The following ZDHHC15 variants were observed in gnomAD, a reference collection of about 807,000 sequenced individuals.
ZDHHC15 encodes the protein zDHHC palmitoyltransferase 15, also known as palmitoyltransferase ZDHHC15.
In ZDHHC15, 19 loss-of-function variants were observed where a neutral mutation model predicts 31.7. The ratio of observed to expected loss-of-function variants is 0.60; its 90% confidence interval spans 0.42 to 0.88. The LOEUF is 0.88. Ranked by LOEUF, ZDHHC15 falls within the 40% of genes least tolerant of loss-of-function variation. The pLI, the probability that ZDHHC15 is intolerant of heterozygous loss-of-function variation, is 0.00. For missense variants in ZDHHC15, 209 were observed against 251.2 expected, an observed-to-expected ratio of 0.83 and a Z score of 1.14; for synonymous variants, 103 against 90.0, an observed-to-expected ratio of 1.14 and a Z score of -0.82.
intron 1 of ZDHHC15, among the ~76,000 whole-genome samples, chrX:75,506,133 A>C (rs1372082009): frequency 9.0e-6 from 1 of 111,696 alleles, no homozygotes. Context: ...TTCTTTCTCC[A>C]TTGGGCTCTA....
At chrX:75,502,882 G>A (rs1274968184) in intron 2 of ZDHHC15, among the ~76,000 whole-genome samples, 1 of 110,268 alleles carries the variant, frequency 9.1e-6, no homozygotes, top group African/African-American at 3.3e-5. Flanking sequence ...TATGATCTAT[G>A]GGAAAACATA....
At chrX:75,517,335 C>T (rs2085373373) in intron 1 of ZDHHC15, among the ~76,000 whole-genome samples, 1 of 110,660 alleles carries the variant, frequency 9.0e-6, no homozygotes, top group Non-Finnish European at 1.9e-5. Context: ...TTGGAACCAA[C>T]CCAAATGCCC....
intron 2 of ZDHHC15, among the ~76,000 whole-genome samples, chrX:75,492,321 CAAT>C (rs2084911674): frequency 9.0e-6 from 1 of 110,949 alleles, no homozygotes; most frequent in African/African-American, 3.3e-5. Context: ...GATTCCCACA[CAAT>C]AATAATGGGA....
chrX:75,466,255 G>A (rs1372535013), intron 3 of ZDHHC15, among the ~76,000 whole-genome samples: 3 of 111,859 alleles, frequency 2.7e-5, no homozygotes, highest in Non-Finnish European at 5.6e-5. Flanking sequence ...ACTATCTCAC[G>A]CCAGTCAGAA....
intron 4 of ZDHHC15, among the ~76,000 whole-genome samples, chrX:75,447,978 T>C (rs757875453): frequency 1.8e-5 from 2 of 110,313 alleles, no homozygotes; most frequent in South Asian, 7.8e-4. Context: ...TAACTAAAGG[T>C]AATGGTGAGT....
intron 3 of ZDHHC15, among the ~76,000 whole-genome samples, chrX:75,472,404 G>T (rs1018295977): frequency 8.9e-6 from 1 of 112,165 alleles, no homozygotes; most frequent in African/African-American, 3.2e-5. Context: ...ACCTGGTTGT[G>T]CACTTTGCAT....
chrX:75,446,307 G>A (rs779375568), intron 4 of ZDHHC15, among the ~76,000 whole-genome samples: 5 of 111,635 alleles, frequency 4.5e-5, no homozygotes, highest in Admixed American at 9.6e-5. Flanking sequence ...CTCACAGTGA[G>A]TGAGATGGAA....
At chrX:75,509,748 G>A (rs1232684677) in intron 1 of ZDHHC15, among the ~76,000 whole-genome samples, 1 of 112,450 alleles carries the variant, frequency 8.9e-6, no homozygotes, top group Non-Finnish European at 1.9e-5. Flanking sequence ...AATAACATAT[G>A]TGTAAAGCAC....
At chrX:75,467,895 C>G (rs2084433654) in intron 3 of ZDHHC15, among the ~76,000 whole-genome samples, 1 of 111,762 alleles carries the variant, frequency 8.9e-6, no homozygotes, top group South Asian at 3.7e-4. Context: ...TACCTAATAA[C>G]AGTTATTCTC....
intron 1 of ZDHHC15, among the ~76,000 whole-genome samples, chrX:75,510,583 T>A (rs1168730587): frequency 1.3e-4 from 13 of 103,860 alleles, no homozygotes; most frequent in East Asian, 9.2e-4. Context: ...TATTATTATT[T>A]TTTAAATTAT....
chrX:75,381,851 C>A (rs2083118142), intron 10 of ZDHHC15, among the ~76,000 whole-genome samples: 1 of 111,283 alleles, frequency 9.0e-6, no homozygotes, highest in African/African-American at 3.3e-5. Flanking sequence ...TCAAAACTTT[C>A]ACCAGAATAG....
intron 3 of ZDHHC15, among the ~76,000 whole-genome samples, chrX:75,476,950 G>T (rs894882260): frequency 6.3e-5 from 7 of 110,434 alleles, no homozygotes; most frequent in Non-Finnish European, 9.5e-5. Flanking sequence ...TTATTTTATG[G>T]TTTTTTAAGA....
At chrX:75,457,430 T>C (rs1435578897) in intron 3 of ZDHHC15, among the ~76,000 whole-genome samples, 1 of 111,421 alleles carries the variant, frequency 9.0e-6, no homozygotes, top group East Asian at 2.8e-4. Flanking sequence ...TCTGTGGCTT[T>C]CCCTTTTACT....
intron 1 of ZDHHC15, among the ~76,000 whole-genome samples, chrX:75,507,836 T>C (rs776289693): frequency 8.9e-6 from 1 of 111,819 alleles, no homozygotes; most frequent in Non-Finnish European, 1.9e-5. Context: ...ATATATGGAA[T>C]AGTTTTTCAT....
At chrX:75,515,943 GACAA>G (rs995009573) in intron 1 of ZDHHC15, among the ~76,000 whole-genome samples, 4 of 110,131 alleles carry the variant, frequency 3.6e-5, no homozygotes, top group South Asian at 3.8e-4. Context: ...ACCAATAACA[GACAA>G]ACAGAGAGCC....
At chrX:75,386,990 G>A (rs966675608) in intron 10 of ZDHHC15, among the ~76,000 whole-genome samples, 2 of 111,008 alleles carry the variant, frequency 1.8e-5, no homozygotes, top group Non-Finnish European at 3.8e-5. Context: ...TACACCTAAT[G>A]GATAGAGGTC....
At chrX:75,464,104 C>A (rs1260402388) in intron 3 of ZDHHC15, among the ~76,000 whole-genome samples, 2 of 111,713 alleles carry the variant, frequency 1.8e-5, no homozygotes, top group African/African-American at 6.5e-5. Flanking sequence ...ACTATGCAGC[C>A]ATATAAAAGG....
chrX:75,482,765 C>T (rs2084711021), intron 2 of ZDHHC15, among the ~76,000 whole-genome samples: 1 of 110,690 alleles, frequency 9.0e-6, no homozygotes, highest in African/African-American at 3.3e-5. Flanking sequence ...TGTTTATAAG[C>T]TTTATTGATA....
chrX:75,475,101 T>C (rs949327589), intron 3 of ZDHHC15, among the ~76,000 whole-genome samples: 25 of 112,019 alleles, frequency 2.2e-4, no homozygotes, highest in African/African-American at 7.8e-4. Flanking sequence ...AAAAAAGTTT[T>C]TTGTTTAGCT....
Sources: gnomAD v4.1 joint callset for allele counts (sites outside exome capture counted in the v4.1 genomes callset) on GRCh38, gnomAD v4.1.1 for gene constraint, MANE v1.5 for transcripts, NCBI Gene and HGNC (gene_info 2026-07-23, HGNC 2026-07-21) for gene names.